PPFIBP1: variants seen among roughly 807,000 people sequenced by gnomAD.
The protein encoded by PPFIBP1 is PPFIB scaffold protein 1, also known as liprin-beta-1.
A neutral mutation model predicts 137.8 loss-of-function variants in PPFIBP1; 112 were observed. The ratio of observed to expected loss-of-function variants is 0.81; its 90% CI spans 0.70 to 0.95. The LOEUF (loss-of-function observed/expected upper bound fraction) is 0.95. Among genes scored for constraint, PPFIBP1 ranks in the 40% least tolerant of loss-of-function variants. The probability of loss-of-function intolerance (pLI) is 0.00; values close to 1 mark genes in which losing one functional copy is unlikely to be tolerated. For missense variants in PPFIBP1, 1,083 were observed against 1,196.6 expected (o/e 0.91, Z 1.40); for synonymous variants, 378 against 417.3 (o/e 0.91, Z 1.15).
rs1471404773 is a variant in PPFIBP1 at position 27,667,155 on chromosome 12, T to C, written c.992-11T>C. 6.5e-6 allele frequency: 10 copies of C among 1,549,500 alleles called. No individual in the cohort carries two copies. The highest frequency in any genetic ancestry group is 7.0e-6 in the Non-Finnish European group (8 of 1,148,330). ...CTGCTGTTGTCTTCTCTTTGTTTTATCTTTTCCTAGGCAAAGATGGAGAAT... is the reference window on the plus strand; with the variant it reads ...CTGCTGTTGTCTTCTCTTTGTTTTACCTTTTCCTAGGCAAAGATGGAGAAT... On this transcript the variant is annotated splice_polypyrimidine_tract_variant and intron_variant, in intron 12 of 29. Transcript: ENST00000228425.
At chr12:27,687,674 C>A (rs768413553) in intron 25 of PPFIBP1, among the ~76,000 whole-genome samples, 167 bp downstream of exon 25, 17 of 152,314 alleles carry the variant, frequency 1.1e-4, no homozygotes, top group Non-Finnish European at 2.4e-4. Context: ...CTCTCCATGA[C>A]GGTTCCCCTT....
At chr12:27,599,972 A>G (rs546838470) in intron 2 of PPFIBP1, among the ~76,000 whole-genome samples, 7 of 152,226 alleles carry the variant, frequency 4.6e-5, no homozygotes, top group Non-Finnish European at 8.8e-5. Context: ...GGAAATTCCA[A>G]TACCATCTTT....
intron 24 of PPFIBP1, among the ~76,000 whole-genome samples, chr12:27,683,090 G>A (rs2060977016): frequency 6.6e-6 from 1 of 152,140 alleles, no homozygotes; most frequent in African/African-American, 2.4e-5. Flanking sequence ...TTGAGATGGA[G>A]TCTCGCTCTG....
chr12:27,558,467 T>TACACACACACACACAC (rs10677887), intron 1 of PPFIBP1, among the ~76,000 whole-genome samples: 4 of 129,282 alleles, frequency 3.1e-5, no homozygotes, highest in South Asian at 4.7e-4. Context: ...CAGTATGTTA[T>TACACACACACACACAC]ACACACACAC....
At chr12:27,674,421 GATCGGTGGTT>G (rs59182337) in intron 17 of PPFIBP1, among the ~76,000 whole-genome samples, 200 bp downstream of exon 17, 70,606 of 151,616 alleles carry the variant, frequency 0.47, 16,456 homozygotes, top group East Asian at 0.56. Flanking sequence ...ATAGAATGCA[GATCGGTGGTT>G]ACCAGTGGTA....
At chr12:27,602,402 A>G (rs945052528) in intron 2 of PPFIBP1, among the ~76,000 whole-genome samples, 1 of 152,246 alleles carries the variant, frequency 6.6e-6, no homozygotes, top group Admixed American at 6.5e-5. Context: ...ATATTAACAC[A>G]TCTATCACCT....
intron 25 of PPFIBP1, 86 bp from the exon 26 acceptor site, chr12:27,688,212 T>C: frequency 7.1e-7 from 1 of 1,408,836 alleles, no homozygotes; most frequent in Non-Finnish European, 9.6e-7. Context: ...TTTAGTGGGT[T>C]GTTGAGTAAC....
chr12:27,682,679 T>G lies in PPFIBP1; in HGVS notation c.2223T>G (p.Gly741=). ...AGTTTGATGAAGGACGGGTTGATGG[T>G]CGAATGCTACATTACATGACTGTTG... The part of the protein sequence containing the change: ...KTQFDEGRVD[G]RMLHYMTVDD... Residue 741 remains glycine (G), a synonymous_variant, in exon 24 of 30, where the codon GGT becomes GGG. Transcript: ENST00000228425. 1 of 1,614,154 alleles carries G rather than the reference T, an allele frequency of 6.2e-7. No homozygotes were observed. The highest frequency in any genetic ancestry group is 8.5e-7 in the Non-Finnish European group (1 of 1,180,018).
intron 1 of PPFIBP1, among the ~76,000 whole-genome samples, chr12:27,533,289 CTATCT>C (rs1245946576): frequency 6.6e-6 from 1 of 152,102 alleles, no homozygotes; most frequent in Non-Finnish European, 1.5e-5. Flanking sequence ...ATAATAATAC[CTATCT>C]TATCAGGTTT....
intron 13 of PPFIBP1, among the ~76,000 whole-genome samples, chr12:27,669,384 A>G (rs1362235310): frequency 6.6e-6 from 1 of 152,246 alleles, no homozygotes; most frequent in Non-Finnish European, 1.5e-5. Flanking sequence ...CTGCAGTTAC[A>G]GAACTAGTGT....
intron 1 of PPFIBP1, among the ~76,000 whole-genome samples, chr12:27,571,417 A>G (rs11049051): frequency 0.32 from 48,185 of 152,094 alleles, 8,021 homozygotes; most frequent in Middle Eastern, 0.46. Context: ...GCATGTATCA[A>G]TCTGGTCCGT....
rs2346752 is a variant in PPFIBP1, at chr12:27,637,464, C to A, written c.270+2349C>A. ...TATTTTACAGAACTAATGAAGATTC[C>A]GTTTTTATCCTAAAAGTAACAATAA... On this transcript the variant is annotated intron_variant, in intron 4 of 29. Coordinates refer to ENST00000228425, the MANE Select transcript of PPFIBP1 (RefSeq NM_003622.4). 2.6e-5 allele frequency: 4 copies of A among 152,070 alleles called. No homozygotes were observed. The East Asian group carries it at 5.8e-4, about 22-fold the overall frequency. The allele number at this position is 152,070 out of a possible 1,614,324, so 9.4% of individuals were successfully genotyped here. A position where few individuals can be genotyped will look rare whatever the true frequency, so the allele number is the denominator to read the frequency against.
chr12:27,629,277 T>C (rs2057091123), intron 2 of PPFIBP1, among the ~76,000 whole-genome samples: 1 of 152,234 alleles, frequency 6.6e-6, no homozygotes, highest in Admixed American at 6.5e-5. Flanking sequence ...GGGATTGACA[T>C]TGGGATTCTT....
chr12:27,610,884 T>C (rs12304909), intron 2 of PPFIBP1, among the ~76,000 whole-genome samples: 15,900 of 151,812 alleles, frequency 0.1, 914 homozygotes, highest in Admixed American at 0.12. Context: ...TCAGTTATTT[T>C]TCTTTTTTTT....
chr12:27,612,076 A>C (rs1358179954), intron 2 of PPFIBP1, among the ~76,000 whole-genome samples: 3 of 152,200 alleles, frequency 2.0e-5, no homozygotes. Context: ...CAGTTTTGAC[A>C]TTCATAGCTC....
chr12:27,659,113 A>G lies in PPFIBP1; in HGVS notation c.844+265A>G, dbSNP rs76435342. 3.7e-3 allele frequency among the ~76,000 whole-genome samples: 571 copies of G among 152,350 alleles called. 3 individuals carry two copies. The highest frequency in any genetic ancestry group is 0.013 in the African/African-American group (541 of 41,576). ...CACAGCATTGTGGATGTAAGAAAAC[A>G]TTTTCCCTGCAGTCTAGGTGATTCA... is the stretch of plus-strand genomic sequence containing the variant. On this transcript the variant is annotated intron_variant, in intron 10 of 29. Transcript: ENST00000228425.
intron 1 of PPFIBP1, among the ~76,000 whole-genome samples, chr12:27,545,550 C>G (rs1474274482): frequency 6.6e-6 from 1 of 152,118 alleles, no homozygotes. Context: ...CTGGTTGGCT[C>G]AGGGAGTAAA....
At chr12:27,658,969 GC>G (rs1166730182) in intron 10 of PPFIBP1, 121 bp downstream of exon 10, 2 of 925,858 alleles carry the variant, frequency 2.2e-6, no homozygotes, top group East Asian at 5.0e-5. Flanking sequence ...TCATCAATAA[GC>G]CCTCCATTTC....
intron 1 of PPFIBP1, among the ~76,000 whole-genome samples, chr12:27,567,137 T>C (rs927294184): frequency 1.3e-5 from 2 of 152,220 alleles, no homozygotes; most frequent in African/African-American, 4.8e-5. Context: ...AAAGGTGAAC[T>C]GGAATGTATT....
Sources: gnomAD v4.1 joint callset for allele counts (sites outside exome capture counted in the v4.1 genomes callset) on GRCh38, gnomAD v4.1.1 for gene constraint, MANE v1.5 for transcripts, NCBI Gene and HGNC (gene_info 2026-07-23, HGNC 2026-07-21) for gene names.